PLCE1: variants seen among roughly 807,000 people sequenced by gnomAD.
PLCE1 encodes the protein 1-phosphatidylinositol 4,5-bisphosphate phosphodiesterase epsilon-1.
Under a neutral mutation model 242.8 loss-of-function variants are expected in PLCE1, and 119 were observed. That is an observed-to-expected ratio of 0.49 (90% CI 0.42 to 0.57). PLCE1 has a LOEUF of 0.57. Ranked by LOEUF, PLCE1 falls within the 20% of genes least tolerant of loss-of-function variation. PLCE1 has a pLI of 0.00. For missense variants in PLCE1, 2,441 were observed against 2,788.8 expected (o/e 0.88, Z 2.81); for synonymous variants, 945 against 1,017.4 (o/e 0.93, Z 1.35).
chr10:94,290,306 C>T (rs959465042), intron 22 of PLCE1, among the ~76,000 whole-genome samples: 2 of 151,660 alleles, frequency 1.3e-5, no homozygotes, highest in African/African-American at 2.4e-5. Flanking sequence ...TGAGCCATCG[C>T]ACCCGGCCAT....
intron 2 of PLCE1, among the ~76,000 whole-genome samples, chr10:94,054,601 T>C (rs2043851151): frequency 1.3e-5 from 2 of 152,216 alleles, no homozygotes; most frequent in South Asian, 2.1e-4. Flanking sequence ...TTATCTCTTA[T>C]AGTTGTTCGA....
At chr10:94,290,803 TTTA>T (rs2052619464) in intron 22 of PLCE1, among the ~76,000 whole-genome samples, 1 of 152,068 alleles carries the variant, frequency 6.6e-6, no homozygotes, top group South Asian at 2.1e-4. Context: ...CAGTAACATA[TTTA>T]TTATTATTAC....
intron 4 of PLCE1, among the ~76,000 whole-genome samples, chr10:94,215,495 T>C (rs1398013145): frequency 6.6e-6 from 1 of 152,044 alleles, no homozygotes. Context: ...GACCCATTAA[T>C]TATCTGAGGG....
intron 2 of PLCE1, among the ~76,000 whole-genome samples, chr10:94,121,811 C>T (rs2046310331): frequency 2.0e-5 from 3 of 152,022 alleles, no homozygotes; most frequent in Non-Finnish European, 4.4e-5. Flanking sequence ...TCTAGGAGGT[C>T]AGCCTCAGCC....
chr10:94,126,448 T>C (rs1473231560), intron 2 of PLCE1, among the ~76,000 whole-genome samples: 1 of 152,242 alleles, frequency 6.6e-6, no homozygotes, highest in Admixed American at 6.5e-5. Flanking sequence ...TTGGTCTACT[T>C]GTTTATTGTC....
In PLCE1 at chr10:94,016,412, C is replaced by A. The variant is rs554178557; in HGVS notation, c.-364-14271C>A. Among the ~76,000 whole-genome samples the A allele has an allele frequency of 2.6e-5, 4 of 152,074 alleles. No individual in the cohort carries two copies. In the South Asian group the frequency reaches 8.3e-4, roughly 32 times the overall value. ...TAAACTCATTTATGTTTCATACATA[C>A]CTTATATGTATAGCTTAAAGGTAAT... On this transcript the variant is annotated intron_variant, in intron 1 of 32. Coordinates refer to ENST00000371380, the MANE Select transcript of PLCE1 (RefSeq NM_016341.4).
intron 3 of PLCE1, among the ~76,000 whole-genome samples, chr10:94,158,631 A>G (rs2047505429): frequency 6.6e-6 from 1 of 152,118 alleles, no homozygotes; most frequent in Non-Finnish European, 1.5e-5. Flanking sequence ...AAAAAGTTGT[A>G]AATATAAGAG....
intron 4 of PLCE1, among the ~76,000 whole-genome samples, chr10:94,197,269 T>C (rs1342876773): frequency 6.6e-6 from 1 of 152,252 alleles, no homozygotes; most frequent in East Asian, 1.9e-4. Flanking sequence ...TGTATACTTT[T>C]TGGCCATTAC....
intron 4 of PLCE1, among the ~76,000 whole-genome samples, chr10:94,193,297 A>G (rs1020053303): frequency 6.6e-6 from 1 of 152,190 alleles, no homozygotes; most frequent in East Asian, 1.9e-4. Context: ...GAGAAAATGT[A>G]GGTAATGGAT....
rs936588742 is a variant in PLCE1, at chr10:94,051,773, A to C, written c.1206+19521A>C. Among the ~76,000 whole-genome samples the C allele has an allele frequency of 2.0e-5, 3 of 152,258 alleles. No individual in the cohort carries two copies. The East Asian group carries it at 5.8e-4, about 29-fold the overall frequency. ...TAAAATTGAACAGTGACAAGCACACATCTACATACCTACTTGTGATCATGT... is the reference window on the plus strand; with the variant it reads ...TAAAATTGAACAGTGACAAGCACACCTCTACATACCTACTTGTGATCATGT... On this transcript the variant is annotated intron_variant, in intron 2 of 32. Coordinates refer to ENST00000371380, the MANE Select transcript of PLCE1 (RefSeq NM_016341.4).
chr10:94,068,007 C>A (rs1414740352), intron 2 of PLCE1, among the ~76,000 whole-genome samples: 1 of 152,178 alleles, frequency 6.6e-6, no homozygotes, highest in Non-Finnish European at 1.5e-5. Context: ...CACATAATGT[C>A]CTCTTCCAGC....
chr10:94,159,580 G>A (rs1590150359), intron 3 of PLCE1, among the ~76,000 whole-genome samples: 1 of 152,166 alleles, frequency 6.6e-6, no homozygotes, highest in East Asian at 1.9e-4. Context: ...AATGGATAGA[G>A]TAGATAGAAT....
rs200563901 is a variant in PLCE1, at chr10:94,030,433, G to GT, written c.-364-243dup. ...TTGTTCAATATCTGAAAACCACTGG[G>GT]TTTTTTTCTGATTTTCTTTTTAGTT... is the stretch of plus-strand genomic sequence containing the variant. On this transcript the variant is annotated intron_variant, in intron 1 of 32. Coordinates refer to ENST00000371380, the MANE Select transcript of PLCE1 (RefSeq NM_016341.4). 6.8e-3 allele frequency among the ~76,000 whole-genome samples: 1,023 copies of GT among 151,016 alleles called. 9 individuals are homozygous for GT. The highest frequency in any genetic ancestry group is 0.024 in the African/African-American group (978 of 41,174).
At chr10:94,312,393 C>CG (rs1469657722) in intron 27 of PLCE1, among the ~76,000 whole-genome samples, 1 of 152,230 alleles carries the variant, frequency 6.6e-6, no homozygotes, top group Non-Finnish European at 1.5e-5. Flanking sequence ...CTCCCTCCAA[C>CG]AGGTTAGTTG....
At chr10:94,032,920 T>C (rs995192479) in intron 2 of PLCE1, among the ~76,000 whole-genome samples, 2 of 152,148 alleles carry the variant, frequency 1.3e-5, no homozygotes, top group African/African-American at 4.8e-5. Flanking sequence ...AGCCCTCATC[T>C]GTATCCACAG....
chr10:94,129,275 A>T (rs1015241919), intron 2 of PLCE1, among the ~76,000 whole-genome samples: 2 of 152,262 alleles, frequency 1.3e-5, no homozygotes, highest in African/African-American at 2.4e-5. Flanking sequence ...ATTAAAGTAA[A>T]TTAATTATTT....
chr10:94,071,494 C>CGTTTTTTTTTTTTTTTGTTGTT (rs2044351610), intron 2 of PLCE1, among the ~76,000 whole-genome samples: 3 of 69,212 alleles, frequency 4.3e-5, no homozygotes, highest in Admixed American at 2.6e-4. Context: ...GTTTGGTTTT[C>CGTTTTTTTTTTTTTTTGTTGTT]GTTTTTTTTT....
chr10:94,088,953 T>C, intron 2 of PLCE1: 1 of 817,674 alleles, frequency 1.2e-6, no homozygotes, highest in Non-Finnish European at 1.8e-6. Flanking sequence ...TGCAATGCCC[T>C]GACTCTGGAT....
At chr10:94,204,748 G>GGA (rs2049095647) in intron 4 of PLCE1, among the ~76,000 whole-genome samples, 2 of 122,448 alleles carry the variant, frequency 1.6e-5, no homozygotes, top group African/African-American at 6.6e-5. Context: ...AGAAGGGAGG[G>GGA]AGGAAGGAAG....
Sources: gnomAD v4.1 joint callset for allele counts (sites outside exome capture counted in the v4.1 genomes callset) on GRCh38, gnomAD v4.1.1 for gene constraint, MANE v1.5 for transcripts, NCBI Gene and HGNC (gene_info 2026-07-23, HGNC 2026-07-21) for gene names.